SLC26A7: variants seen among roughly 807,000 people sequenced by gnomAD.
SLC26A7 encodes solute carrier family 26 member 7, also known as anion exchange transporter.
SLC26A7 carries 59 observed loss-of-function variants against 82.5 expected under a neutral mutation model. The observed-to-expected ratio is 0.72, with a 90% CI of 0.58 to 0.89. SLC26A7 has a LOEUF of 0.89. Ranked by LOEUF, SLC26A7 falls within the 40% of genes least tolerant of loss-of-function variation. SLC26A7 has a pLI of 0.00. For missense variants in SLC26A7, 820 were observed against 793.0 expected (o/e 1.03, Z -0.41); for synonymous variants, 271 against 274.3 (o/e 0.99, Z 0.12).
intron 2 of SLC26A7, among the ~76,000 whole-genome samples, chr8:91,224,674 C>T (rs1435346369): frequency 2.0e-5 from 3 of 152,186 alleles, no homozygotes; most frequent in Non-Finnish European, 4.4e-5. Flanking sequence ...TTGGGTGGCA[C>T]AGGGAGCAGG....
At chr8:91,213,130 G>T (rs1429922367) in intron 1 of SLC26A7, among the ~76,000 whole-genome samples, 1 of 152,104 alleles carries the variant, frequency 6.6e-6, no homozygotes, top group Non-Finnish European at 1.5e-5. Flanking sequence ...GAAATTCAGA[G>T]GATATTGATT....
intron 4 of SLC26A7, among the ~76,000 whole-genome samples, chr8:91,301,256 C>T (rs1812157293): frequency 6.6e-6 from 1 of 152,094 alleles, no homozygotes; most frequent in African/African-American, 2.4e-5. Context: ...TTCTTAACGT[C>T]CCTTCTCAAT....
At chr8:91,377,749 A>T (rs923561579) in intron 15 of SLC26A7, among the ~76,000 whole-genome samples, 2 of 152,228 alleles carry the variant, frequency 1.3e-5, no homozygotes, top group Admixed American at 6.5e-5. Context: ...GGGAACAGAG[A>T]AGCACCCCCA....
chr8:91,320,885 A>G (rs1001631840), intron 5 of SLC26A7, among the ~76,000 whole-genome samples: 4 of 152,204 alleles, frequency 2.6e-5, no homozygotes, highest in Admixed American at 6.5e-5. Flanking sequence ...TGTTACTGAT[A>G]TTCTTGGAAC....
intron 3 of SLC26A7, among the ~76,000 whole-genome samples, chr8:91,292,015 T>A (rs955659321): frequency 1.9e-4 from 29 of 152,172 alleles, no homozygotes; most frequent in Middle Eastern, 3.4e-3. Context: ...CATTAAAAAA[T>A]AAATGATAGG....
In SLC26A7 at chr8:91,257,356, C is replaced by T. The variant is rs1024415425; in HGVS notation, c.193+7512C>T. Among the ~76,000 whole-genome samples the T allele has an allele frequency of 4.6e-5, 7 of 152,084 alleles. No homozygotes were observed. The East Asian group carries it at 5.8e-4, about 13-fold the overall frequency. On this transcript the variant is annotated intron_variant, in intron 2 of 18. Coordinates refer to ENST00000276609, the MANE Select transcript of SLC26A7 (RefSeq NM_052832.4). ...GAAAATAACGAGGCTTACTGCTGTC[C>T]GCTTGGTTTGATCCCTCTTGTCTCA...
intron 4 of SLC26A7, among the ~76,000 whole-genome samples, chr8:91,307,848 A>T (rs1466347837): frequency 1.3e-5 from 2 of 151,098 alleles, no homozygotes; most frequent in African/African-American, 4.9e-5. Context: ...ATAAAATAAA[A>T]TAAAATGCTA....
intron 4 of SLC26A7, among the ~76,000 whole-genome samples, chr8:91,296,624 C>T (rs779379949): frequency 1.5e-4 from 23 of 152,050 alleles, no homozygotes; most frequent in Non-Finnish European, 3.1e-4. Flanking sequence ...CTAGGTGAAA[C>T]GGCCGAAAGA....
At chr8:91,243,346 G>C (rs1338976669) in intron 2 of SLC26A7, among the ~76,000 whole-genome samples, 1 of 152,292 alleles carries the variant, frequency 6.6e-6, no homozygotes, top group Middle Eastern at 3.4e-3. Context: ...ACATCAGTCA[G>C]TAGAGGACTG....
At chr8:91,316,102 G>T (rs970565806) in intron 4 of SLC26A7, among the ~76,000 whole-genome samples, 3 of 152,068 alleles carry the variant, frequency 2.0e-5, no homozygotes, top group African/African-American at 7.2e-5. Context: ...TGGCCAAGGG[G>T]TTATTGTATT....
In SLC26A7 at chr8:91,318,351, T is replaced by C. The variant is rs1812700439; in HGVS notation, c.613T>C (p.Tyr205His). 1.2e-6 allele frequency: 2 copies of C among 1,610,738 alleles called. No homozygotes were observed. The part of the protein sequence containing the change: ...VKYLLGMKMP[Y>H]ISGPLGFFYI... ...ATATCTCTTGGGAATGAAAATGCCA[T>C]ATATATCCGGACCACTTGGATTCTT... Residue 205 changes from tyrosine to histidine, a missense_variant, in exon 5 of 19, where the codon TAT becomes CAT. Transcript: ENST00000276609.
chr8:91,372,366 G>A (rs546732079), intron 15 of SLC26A7, among the ~76,000 whole-genome samples: 70 of 152,026 alleles, frequency 4.6e-4, no homozygotes, highest in Middle Eastern at 3.4e-3. Context: ...ATAGTTTCAC[G>A]TCTTATATTT....
chr8:91,304,710 G>A (rs1586386100), intron 4 of SLC26A7, among the ~76,000 whole-genome samples: 1 of 152,190 alleles, frequency 6.6e-6, no homozygotes, highest in Admixed American at 6.5e-5. Flanking sequence ...GACAAAGGAA[G>A]CAAGGAAACT....
intron 2 of SLC26A7, among the ~76,000 whole-genome samples, chr8:91,263,316 C>T (rs1811018484): frequency 6.6e-6 from 1 of 151,968 alleles, no homozygotes; most frequent in Admixed American, 6.6e-5. Context: ...ATCATTTTTG[C>T]TGCTATTTAT....
At chr8:91,393,911 T>C (rs1437454874) in intron 17 of SLC26A7, 25 bp from the exon 18 acceptor site, 1 of 1,613,072 alleles carries the variant, frequency 6.2e-7, no homozygotes, top group South Asian at 1.1e-5. Flanking sequence ...ACATGTATTC[T>C]TATATCACTT....
chr8:91,338,056 C>A lies in SLC26A7; in HGVS notation c.796-94C>A, dbSNP rs191945006. 2.1e-3 allele frequency: 1,415 copies of A among 675,066 alleles called. 6 individuals carry two copies. The highest frequency in any genetic ancestry group is 2.8e-3 in the Non-Finnish European group (1,211 of 436,418). The allele number at this position is 675,066 out of a possible 1,614,324, so 41.8% of individuals were successfully genotyped here. On this transcript the variant is annotated intron_variant, in intron 6 of 18. Transcript: ENST00000276609. ...TAGATTATTCTTGATGTTTATGGGA[C>A]ATGAGAACAATGTTTACTTTTAAAA...
At chr8:91,220,561 CT>C (rs1297910250) in intron 2 of SLC26A7, among the ~76,000 whole-genome samples, 1 of 151,988 alleles carries the variant, frequency 6.6e-6, no homozygotes, top group Non-Finnish European at 1.5e-5. Context: ...TCCATGTGTT[CT>C]CAACGTTCAA....
chr8:91,373,120 T>G lies in SLC26A7; in HGVS notation c.1675+3287T>G, dbSNP rs144852066. On this transcript the variant is annotated intron_variant, in intron 15 of 18. Coordinates refer to ENST00000276609, the MANE Select transcript of SLC26A7 (RefSeq NM_052832.4). ...GTCATTCATTAGTTCCAGAAACCTT[T>G]TGGTAGAGTCTTCAGAGTTTTCTAG... Among the ~76,000 whole-genome samples, 445 of 152,120 alleles carry G rather than the reference T, an allele frequency of 2.9e-3. 1 individual carries two copies. The highest frequency in any genetic ancestry group is 0.02 in the Middle Eastern group (6 of 294).
intron 10 of SLC26A7, among the ~76,000 whole-genome samples, 177 bp from the exon 11 acceptor site, chr8:91,352,724 T>C (rs1471550148): frequency 6.6e-6 from 1 of 152,122 alleles, no homozygotes; most frequent in Non-Finnish European, 1.5e-5. Context: ...ATTATATTCC[T>C]AAAGTGCAAT....
Sources: allele counts gnomAD v4.1 joint callset (sites outside exome capture counted in the v4.1 genomes callset), GRCh38; gene constraint gnomAD v4.1.1; transcripts MANE v1.5; gene names NCBI Gene and HGNC (gene_info 2026-07-23, HGNC 2026-07-21).